EIF4ENIF1: variants seen among roughly 807,000 people sequenced by gnomAD.
EIF4ENIF1 encodes eukaryotic translation initiation factor 4E nuclear import factor 1, also known as eukaryotic translation initiation factor 4E transporter.
EIF4ENIF1 carries 23 observed loss-of-function variants against 110.5 expected under a neutral mutation model. The observed-to-expected ratio is 0.21, with a 90% CI of 0.15 to 0.29. The LOEUF (loss-of-function observed/expected upper bound fraction) is 0.29. Among genes scored for constraint, EIF4ENIF1 ranks in the 10% least tolerant of loss-of-function variants. The pLI is 1.00. For missense variants in EIF4ENIF1, 1,031 were observed against 1,221.1 expected (o/e 0.84, Z 2.32); for synonymous variants, 440 against 437.0 (o/e 1.01, Z -0.09).
In EIF4ENIF1 at chr22:31,454,265, T is replaced by A. The variant is rs2050753774; in HGVS notation, c.1391A>T (p.Glu464Val). 1 of 1,614,060 alleles carries A rather than the reference T, an allele frequency of 6.2e-7. No individual in the cohort carries two copies. The highest frequency in any genetic ancestry group is 1.3e-5 in the African/African-American group (1 of 74,908). ...ATTGTTGGTTACGGCACTCAAGGTC[T>A]CTTCTAGGTGTTCTGCCATGAAGGG... ...STPFMAEHLE[E>V]TLSAVTNNRQ... is the part of the protein sequence containing the mutation. Residue 464 changes from glutamate to valine, a missense_variant, in exon 10 of 19, where the codon GAG becomes GTG. By Grantham distance (121) the Glu-to-Val change is moderately radical (BLOSUM62 -2). This residue lies in a region of EIF4ENIF1 where 704 missense variants were observed against 879.7 expected (regional missense o/e 0.80). Transcript: ENST00000330125.
At chr22:31,469,997 C>T (rs1018223730) in intron 3 of EIF4ENIF1, among the ~76,000 whole-genome samples, 3 of 151,840 alleles carry the variant, frequency 2.0e-5, no homozygotes, top group Non-Finnish European at 4.4e-5. Context: ...AACCCCGTCT[C>T]TACTAAAACT....
chr22:31,479,182 T>C (rs1237675347), intron 2 of EIF4ENIF1, among the ~76,000 whole-genome samples: 1 of 151,610 alleles, frequency 6.6e-6, no homozygotes, highest in Non-Finnish European at 1.5e-5. Context: ...TTCTGCTGCC[T>C]CAGCCTCCTG....
At chr22:31,488,217 C>T (rs1479851386) in intron 2 of EIF4ENIF1, among the ~76,000 whole-genome samples, 1 of 152,146 alleles carries the variant, frequency 6.6e-6, no homozygotes, top group African/African-American at 2.4e-5. Context: ...CACTCAAGAG[C>T]ATTCCTATGG....
At chr22:31,455,727 G>A in intron 8 of EIF4ENIF1, 125 bp downstream of exon 8, 1 of 1,280,670 alleles carries the variant, frequency 7.8e-7, no homozygotes, top group Admixed American at 2.2e-5. Context: ...GACACAAATT[G>A]AAGGCTTTTC....
chr22:31,467,011 T>TTA (rs1466872835), intron 4 of EIF4ENIF1, among the ~76,000 whole-genome samples: 1 of 151,698 alleles, frequency 6.6e-6, no homozygotes, highest in Non-Finnish European at 1.5e-5. Flanking sequence ...ATATGGAGAG[T>TTA]TTTCTATGAG....
intron 14 of EIF4ENIF1, 108 bp downstream of exon 14, chr22:31,447,318 C>T (rs1021842115): frequency 1.2e-4 from 163 of 1,325,414 alleles, no homozygotes; most frequent in Non-Finnish European, 1.6e-4. Context: ...CTACCACATA[C>T]TGAACATACC....
intron 2 of EIF4ENIF1, among the ~76,000 whole-genome samples, chr22:31,477,378 A>AC (rs2051622814): frequency 1.4e-5 from 2 of 145,860 alleles, no homozygotes; most frequent in East Asian, 2.0e-4. Flanking sequence ...AAAAAAACAA[A>AC]AAAAACAAAA....
chr22:31,440,378 A>C (rs1601547263), intron 18 of EIF4ENIF1, among the ~76,000 whole-genome samples: 1 of 152,286 alleles, frequency 6.6e-6, no homozygotes, highest in East Asian at 1.9e-4. Flanking sequence ...ACCACATCAC[A>C]GAAGCAGCAA....
Position 31,454,146 on chromosome 22 carries a change from T to A in EIF4ENIF1, c.1510A>T (p.Ser504Cys), listed in dbSNP as rs1354602823. Residue 504 changes from serine (S) to cysteine (C), a missense_variant and splice_region_variant, in exon 10 of 19, where the codon AGC becomes TGC. Ser to Cys is a moderately radical substitution (Grantham distance 112, BLOSUM62 -1). This residue lies in a region of EIF4ENIF1 where 704 missense variants were observed against 879.7 expected (regional missense o/e 0.80). Transcript: ENST00000330125. ...SGTLPSQPKV[S>C]RNLESHLMSP... ...GGGGGTTTGTGTCAGATACTTACGC[T>A]GACTTTGGGCTGAGAAGGCAAAGTC... 2 of 1,613,902 alleles carry A rather than the reference T, an allele frequency of 1.2e-6. No homozygotes were observed. The highest frequency in any genetic ancestry group is 1.7e-5 in the Admixed American group (1 of 59,996).
At chr22:31,487,943 G>T (rs921283476) in intron 2 of EIF4ENIF1, among the ~76,000 whole-genome samples, 1 of 151,954 alleles carries the variant, frequency 6.6e-6, no homozygotes, top group African/African-American at 2.4e-5. Flanking sequence ...CACATTTCAG[G>T]GACCCAGAAA....
intron 2 of EIF4ENIF1, among the ~76,000 whole-genome samples, chr22:31,472,768 TC>T (rs1164461709): frequency 6.6e-6 from 1 of 152,166 alleles, no homozygotes; most frequent in Non-Finnish European, 1.5e-5. Flanking sequence ...AATGATCAAG[TC>T]AGGATATCTC....
chr22:31,491,934 A>G (rs2052290712), upstream of EIF4ENIF1, among the ~76,000 whole-genome samples: 1 of 152,204 alleles, frequency 6.6e-6, no homozygotes, highest in Non-Finnish European at 1.5e-5. Context: ...TTCCAATTAT[A>G]TTTTGCTCTC....
upstream of EIF4ENIF1, among the ~76,000 whole-genome samples, chr22:31,492,272 G>C (rs550019144): frequency 6.6e-6 from 1 of 152,176 alleles, no homozygotes; most frequent in Non-Finnish European, 1.5e-5. Flanking sequence ...GCCACATTCT[G>C]TTCCTTAGAA....
intron 2 of EIF4ENIF1, 112 bp downstream of exon 2, chr22:31,488,511 C>T: frequency 6.9e-7 from 1 of 1,451,762 alleles, no homozygotes; most frequent in Non-Finnish European, 9.5e-7. Context: ...AATATTTAGT[C>T]CATGTAGTGA....
Position 31,472,270 on chromosome 22 carries a change from AT to A in EIF4ENIF1, c.97-354del, listed in dbSNP as rs11404399. Among the ~76,000 whole-genome samples, 535 of 142,078 alleles carry A rather than the reference AT, an allele frequency of 3.8e-3. 1 individual carries two copies. Among genetic ancestry groups the A allele is most frequent in the African/African-American group, 5.5e-3 (212 of 38,632 alleles). The allele number at this position is 142,078 out of a possible 152,430, so 93.2% of individuals were successfully genotyped here. ...GCATTAGATGACAACTTACAAGGGG[AT>A]TTTTTTTTTTTTTTTTACATGGAAT... On this transcript the variant is annotated intron_variant, in intron 2 of 18. Coordinates refer to ENST00000330125, the MANE Select transcript of EIF4ENIF1 (RefSeq NM_019843.4).
At chr22:31,450,795 TATAC>T (rs369820618) in intron 10 of EIF4ENIF1, 96 of 205,558 alleles carry the variant, frequency 4.7e-4, no homozygotes, top group African/African-American at 2.0e-3. Flanking sequence ...CATATACACA[TATAC>T]ATACACATAC....
chr22:31,450,355 G>C lies in EIF4ENIF1; in HGVS notation c.1518C>G (p.Asn506Lys), dbSNP rs200910304. The C allele has an allele frequency of 1.7e-5, 27 of 1,612,936 alleles. No individual in the cohort carries two copies. The highest frequency in any genetic ancestry group is 2.2e-5 in the Non-Finnish European group (26 of 1,179,308). ...CAGGGGACATCAAATGGCTTTCAAG[G>C]TTTCGCTAAAAGAGTCAAAAGAAAA... ...TLPSQPKVSR[N>K]LESHLMSPAE... is the part of the protein sequence containing the mutation. Residue 506 changes from asparagine to lysine, a missense_variant, in exon 11 of 19, where the codon AAC (asparagine) becomes AAG (lysine). Physicochemically the swap from Asn to Lys is moderately conservative, Grantham distance 94. Around this residue, in one of 3 missense-constraint regions of EIF4ENIF1, gnomAD observed 704 missense variants for 879.7 expected, o/e 0.80. Coordinates refer to ENST00000330125, the MANE Select transcript of EIF4ENIF1 (RefSeq NM_019843.4).
rs1003833785 is a variant in EIF4ENIF1 at position 31,453,299 on chromosome 22, T to G, written c.1512+845A>C. On this transcript the variant is annotated intron_variant, in intron 10 of 18. Transcript: ENST00000330125. ...GTAACCTAACTTCATGCCTACAAGT[T>G]TTGTTTTTAACTTGGAGCCACAACT... 4 of 355,672 alleles carry G rather than the reference T, an allele frequency of 1.1e-5. No individual in the cohort carries two copies. In the Admixed American group the frequency reaches 1.4e-4, roughly 13 times the overall value. 22.0% of individuals were successfully genotyped at this position (355,672 alleles called of 1,614,324 possible).
downstream of EIF4ENIF1, chr22:31,437,835 G>A (rs1293804474): frequency 6.6e-6 from 1 of 152,198 alleles, no homozygotes; most frequent in East Asian, 1.9e-4. Flanking sequence ...AAACCAGAAA[G>A]CATTTGCCAA....
Sources: allele counts gnomAD v4.1 joint callset (sites outside exome capture counted in the v4.1 genomes callset), GRCh38; gene constraint gnomAD v4.1.1; regional missense constraint gnomAD v4.1.1; transcripts MANE v1.5; gene names NCBI Gene and HGNC (gene_info 2026-07-23, HGNC 2026-07-21).